DDAH1: variants seen among roughly 807,000 people sequenced by gnomAD.
DDAH1 encodes N(G),N(G)-dimethylarginine dimethylaminohydrolase 1.
A neutral mutation model predicts 28.8 loss-of-function variants in DDAH1; 19 were observed. The observed-to-expected ratio is 0.66, with a 90% CI of 0.46 to 0.97. DDAH1 has a LOEUF of 0.97. DDAH1 is among the 50% of genes least tolerant of loss of function. The pLI, the probability that DDAH1 is intolerant of heterozygous loss-of-function variation, is 0.00. For missense variants in DDAH1, 326 were observed against 375.9 expected (o/e 0.87, Z 1.10); for synonymous variants, 153 against 154.4 (o/e 0.99, Z 0.07).
chr1:85,337,760 C>T (rs993917638), intron 4 of DDAH1, among the ~76,000 whole-genome samples: 11 of 152,040 alleles, frequency 7.2e-5, no homozygotes, highest in African/African-American at 2.4e-4. Flanking sequence ...TTAATTTTTT[C>T]AAAAAGTTAA....
At chr1:85,323,579 T>C (rs532778834) in intron 5 of DDAH1, among the ~76,000 whole-genome samples, 31 of 152,328 alleles carry the variant, frequency 2.0e-4, no homozygotes, top group African/African-American at 7.2e-4. Flanking sequence ...ACCTGCTCTA[T>C]CTTTTCAATG....
intron 1 of DDAH1, among the ~76,000 whole-genome samples, chr1:85,361,339 G>T (rs1402912207): frequency 6.6e-6 from 1 of 152,150 alleles, no homozygotes; most frequent in African/African-American, 2.4e-5. Context: ...CCATTCTGTG[G>T]TTACATGGCC....
At chr1:85,496,314 G>T in intron 1 of DDAH1, 1 of 614,156 alleles carries the variant, frequency 1.6e-6, no homozygotes, top group Non-Finnish European at 2.0e-6. Context: ...GCAGAGAGAG[G>T]GGAAAGGCAT....
At chr1:85,453,283 C>T (rs946120577) in intron 1 of DDAH1, among the ~76,000 whole-genome samples, 1 of 152,198 alleles carries the variant, frequency 6.6e-6, no homozygotes, top group African/African-American at 2.4e-5. Context: ...TTTCTGCAAA[C>T]CACTCAGAGG....
At position 85,321,213 on chromosome 1, in the gene DDAH1, T is replaced by C. The variant is rs972328787; in HGVS notation, c.*239A>G. 4 of 430,592 alleles carry C rather than the reference T, an allele frequency of 9.3e-6. No individual in the cohort carries two copies. The highest frequency in any genetic ancestry group is 1.7e-5 in the Non-Finnish European group (4 of 238,340). The allele number at this position is 430,592 out of a possible 1,614,324, so 26.7% of individuals were successfully genotyped here. On this transcript the variant is annotated 3_prime_UTR_variant, in exon 6 of 6. Coordinates refer to ENST00000284031, the MANE Select transcript of DDAH1 (RefSeq NM_012137.4). ...GGATTAATCACATTTTGATAATTCA[T>C]TAGCTCTGTATCTTCTAGGTTGCTT...
At chr1:85,424,096 T>C (rs927527681) in intron 1 of DDAH1, among the ~76,000 whole-genome samples, 1 of 152,200 alleles carries the variant, frequency 6.6e-6, no homozygotes, top group African/African-American at 2.4e-5. Context: ...TTTTTTTATA[T>C]ATTATTAGAT....
intron 1 of DDAH1, among the ~76,000 whole-genome samples, chr1:85,538,224 G>C (rs1210694430): frequency 2.0e-5 from 3 of 152,230 alleles, no homozygotes; most frequent in Non-Finnish European, 4.4e-5. Flanking sequence ...CAAAATTTAA[G>C]CTGGTTTTAG....
intron 2 of DDAH1, among the ~76,000 whole-genome samples, chr1:85,352,095 T>C (rs545251805): frequency 6.6e-6 from 1 of 152,296 alleles, no homozygotes; most frequent in East Asian, 1.9e-4. Flanking sequence ...TCAAATAACA[T>C]CATTTTGCTC....
intron 1 of DDAH1, among the ~76,000 whole-genome samples, chr1:85,439,916 T>C (rs1033486253): frequency 2.0e-5 from 3 of 152,346 alleles, no homozygotes; most frequent in East Asian, 3.9e-4. Context: ...GCATTTTAAA[T>C]ACATGTGTTC....
At chr1:85,566,618 A>C (rs965282881) in intron 1 of DDAH1, among the ~76,000 whole-genome samples, 12 of 152,182 alleles carry the variant, frequency 7.9e-5, no homozygotes. Flanking sequence ...TAAAAGCAAA[A>C]GGATTTTTCA....
chr1:85,420,468 A>G (rs1653090227), intron 1 of DDAH1, among the ~76,000 whole-genome samples: 1 of 152,222 alleles, frequency 6.6e-6, no homozygotes, highest in Non-Finnish European at 1.5e-5. Context: ...TTTGCTGCTT[A>G]GAAATTTCTT....
At chr1:85,427,252 T>C (rs1653443244) in intron 1 of DDAH1, among the ~76,000 whole-genome samples, 2 of 137,602 alleles carry the variant, frequency 1.5e-5, no homozygotes, top group Non-Finnish European at 3.1e-5. Context: ...TTTTTGTTTT[T>C]GTTTTTTTCC....
intron 2 of DDAH1, among the ~76,000 whole-genome samples, chr1:85,471,941 A>G (rs928179283): frequency 6.6e-6 from 1 of 152,216 alleles, no homozygotes; most frequent in Non-Finnish European, 1.5e-5. Flanking sequence ...AAGCAGCCTC[A>G]GAGGTGTAGG....
At chr1:85,344,732 T>C (rs1319125814) in intron 4 of DDAH1, among the ~76,000 whole-genome samples, 2 of 152,208 alleles carry the variant, frequency 1.3e-5, no homozygotes, top group East Asian at 3.8e-4. Flanking sequence ...TTACTATCTG[T>C]CCTCCTGTGA....
intron 1 of DDAH1, among the ~76,000 whole-genome samples, chr1:85,430,412 G>C (rs539303284): frequency 6.6e-6 from 1 of 152,288 alleles, no homozygotes; most frequent in East Asian, 1.9e-4. Flanking sequence ...GAAATTTTAA[G>C]TAGTTTTTTC....
intron 1 of DDAH1, among the ~76,000 whole-genome samples, chr1:85,395,586 C>T (rs1451493486): frequency 1.3e-5 from 2 of 151,644 alleles, no homozygotes; most frequent in African/African-American, 2.4e-5. Context: ...GGAGGAGAAT[C>T]GCTTGAACCT....
intron 2 of DDAH1, among the ~76,000 whole-genome samples, chr1:85,486,416 C>G (rs1274657209): frequency 6.6e-6 from 1 of 152,156 alleles, no homozygotes; most frequent in African/African-American, 2.4e-5. Context: ...GAATTCAGCT[C>G]TTACAAGTCA....
At chr1:85,556,014 T>C (rs933327177) in intron 1 of DDAH1, among the ~76,000 whole-genome samples, 5 of 152,086 alleles carry the variant, frequency 3.3e-5, no homozygotes, top group Non-Finnish European at 5.9e-5. Context: ...CAGATATGAG[T>C]GGCGGGTAGA....
At chr1:85,433,122 ATAATT>A (rs891870968) in intron 1 of DDAH1, among the ~76,000 whole-genome samples, 8 of 152,194 alleles carry the variant, frequency 5.3e-5, no homozygotes, top group South Asian at 2.1e-4. Context: ...ACATACATAT[ATAATT>A]TAATCTTTTT....
Sources: gnomAD v4.1 joint callset for allele counts (sites outside exome capture counted in the v4.1 genomes callset) on GRCh38, gnomAD v4.1.1 for gene constraint, MANE v1.5 for transcripts, NCBI Gene and HGNC (gene_info 2026-07-23, HGNC 2026-07-21) for gene names.